RAPGEF4: variants seen among roughly 807,000 people sequenced by gnomAD.
RAPGEF4 encodes the protein Rap guanine nucleotide exchange factor 4.
In RAPGEF4, 66 loss-of-function variants were observed where a neutral mutation model predicts 147.9. The ratio of observed to expected loss-of-function variants is 0.45; its 90% CI spans 0.37 to 0.55. The LOEUF (loss-of-function observed/expected upper bound fraction) is 0.55, where lower values mean the gene tolerates loss of function less well. RAPGEF4 is among the 20% of genes least tolerant of loss of function. The probability of loss-of-function intolerance (pLI) is 0.00; values close to 1 mark genes in which losing one functional copy is unlikely to be tolerated. For missense variants in RAPGEF4, 1,071 were observed against 1,257.3 expected (o/e 0.85, Z 2.24); for synonymous variants, 419 against 442.7 (o/e 0.95, Z 0.67).
At chr2:172,963,957 T>G (rs1689563465) in intron 8 of RAPGEF4, among the ~76,000 whole-genome samples, 1 of 152,242 alleles carries the variant, frequency 6.6e-6, no homozygotes, top group Non-Finnish European at 1.5e-5. Flanking sequence ...TGTTCAGTAT[T>G]CTGACTGCAA....
Position 172,802,523 on chromosome 2 carries a change from C to T in RAPGEF4, c.297+4910C>T, listed in dbSNP as rs1033576203. ...TAATTCAATTACCTTCCACCAGGTTCTTCCTGCAACACATGGGAATTGTGG... is the reference window on the plus strand; with the variant it reads ...TAATTCAATTACCTTCCACCAGGTTTTTCCTGCAACACATGGGAATTGTGG... On this transcript the variant is annotated intron_variant, in intron 3 of 30. Transcript: ENST00000397081. 7.2e-5 allele frequency among the ~76,000 whole-genome samples: 11 copies of T among 152,206 alleles called. 1 individual carries two copies. The highest frequency in any genetic ancestry group is 2.7e-4 in the African/African-American group (11 of 41,442).
intron 4 of RAPGEF4, among the ~76,000 whole-genome samples, chr2:172,824,247 G>C (rs959049477): frequency 6.6e-6 from 1 of 152,154 alleles, no homozygotes; most frequent in African/African-American, 2.4e-5. Context: ...TTTCCATGCC[G>C]GGACTTTTGA....
At chr2:172,861,509 C>A (rs552891042) in intron 4 of RAPGEF4, among the ~76,000 whole-genome samples, 2 of 152,102 alleles carry the variant, frequency 1.3e-5, no homozygotes, top group African/African-American at 2.4e-5. Flanking sequence ...GAATGCTATA[C>A]CAGGAAGATG....
chr2:172,797,442 C>A, intron 2 of RAPGEF4, 83 bp from the exon 3 acceptor site: 1 of 1,090,812 alleles, frequency 9.2e-7, no homozygotes, highest in Non-Finnish European at 1.4e-6. Flanking sequence ...CCAAGACATG[C>A]TTGGACCAGT....
intron 19 of RAPGEF4, 126 bp downstream of exon 19, chr2:173,016,563 C>T (rs1695528361): frequency 1.3e-6 from 1 of 743,294 alleles, no homozygotes; most frequent in Admixed American, 2.2e-5. Context: ...TTTAAGCAGA[C>T]TGGGCTGAGG....
At chr2:172,856,672 G>T (rs1238857079) in intron 4 of RAPGEF4, among the ~76,000 whole-genome samples, 9 of 152,200 alleles carry the variant, frequency 5.9e-5, no homozygotes, top group Non-Finnish European at 2.9e-5. Context: ...TAACTGAGTG[G>T]CTTGGAGTCT....
At chr2:172,863,698 G>A (rs981919484) in intron 4 of RAPGEF4, among the ~76,000 whole-genome samples, 1 of 152,120 alleles carries the variant, frequency 6.6e-6, no homozygotes, top group African/African-American at 2.4e-5. Flanking sequence ...GGAAATTCAA[G>A]CAAGAATCAA....
intron 1 of RAPGEF4, among the ~76,000 whole-genome samples, chr2:172,753,283 G>A (rs1340027188): frequency 6.6e-6 from 1 of 151,788 alleles, no homozygotes; most frequent in Non-Finnish European, 1.5e-5. Flanking sequence ...TTGATGAGAA[G>A]GGAGAGTGAA....
chr2:172,750,283 GA>G (rs1485347963), intron 1 of RAPGEF4, among the ~76,000 whole-genome samples: 1 of 151,960 alleles, frequency 6.6e-6, no homozygotes, highest in Non-Finnish European at 1.5e-5. Context: ...AATTTATAAA[GA>G]AAAAAAGGTT....
At chr2:172,874,438 C>G (rs1461034979) in intron 4 of RAPGEF4, among the ~76,000 whole-genome samples, 1 of 152,090 alleles carries the variant, frequency 6.6e-6, no homozygotes, top group Non-Finnish European at 1.5e-5. Context: ...GTAATGTTCC[C>G]CTTCCTGTGT....
rs548506646 is a variant in RAPGEF4 at position 172,816,149 on chromosome 2, A to G, written c.444+1724A>G. Among the ~76,000 whole-genome samples, 21 of 152,224 alleles carry G rather than the reference A, an allele frequency of 1.4e-4. No individual in the cohort carries two copies. In the East Asian group the frequency reaches 1.7e-3, roughly 13 times the overall value. Reference sequence around the variant, plus strand: ...CCTAATATTATCTAATACCCAGTCTATATTTCAAATGTCCTTAATTGTCTC... The same window carrying G: ...CCTAATATTATCTAATACCCAGTCTGTATTTCAAATGTCCTTAATTGTCTC... On this transcript the variant is annotated intron_variant, in intron 4 of 30. Coordinates refer to ENST00000397081, the MANE Select transcript of RAPGEF4 (RefSeq NM_007023.4).
chr2:172,973,434 A>G (rs1233254468), intron 10 of RAPGEF4, among the ~76,000 whole-genome samples: 2 of 152,178 alleles, frequency 1.3e-5, no homozygotes, highest in Admixed American at 1.3e-4. Flanking sequence ...AAGAGCAGCA[A>G]AAAAATAATA....
intron 6 of RAPGEF4, among the ~76,000 whole-genome samples, chr2:172,934,460 C>G (rs114422811): frequency 0.015 from 2,339 of 152,206 alleles, 67 homozygotes; most frequent in African/African-American, 0.053. Flanking sequence ...CCTATTTAAT[C>G]CTTTTTATAT....
At chr2:172,743,316 G>A (rs1412643348) in intron 1 of RAPGEF4, among the ~76,000 whole-genome samples, 2 of 152,144 alleles carry the variant, frequency 1.3e-5, no homozygotes, top group Non-Finnish European at 2.9e-5. Context: ...GCTGACGAGC[G>A]GAGGCGGACA....
chr2:172,834,678 C>G (rs759310031), intron 4 of RAPGEF4, among the ~76,000 whole-genome samples: 3 of 152,108 alleles, frequency 2.0e-5, no homozygotes, highest in Non-Finnish European at 2.9e-5. Context: ...AAACATTCTG[C>G]AAATATTCCA....
intron 4 of RAPGEF4, among the ~76,000 whole-genome samples, chr2:172,902,546 A>G (rs544401695): frequency 1.3e-5 from 2 of 152,162 alleles, no homozygotes; most frequent in East Asian, 3.9e-4. Flanking sequence ...TTAAGCTTAT[A>G]TCTTCCCAAC....
At chr2:172,913,331 T>A (rs925023897) in intron 4 of RAPGEF4, among the ~76,000 whole-genome samples, 2 of 152,234 alleles carry the variant, frequency 1.3e-5, no homozygotes, top group African/African-American at 4.8e-5. Flanking sequence ...AGTTATCTAT[T>A]GCTGTGTAAC....
At chr2:172,908,878 A>G (rs576722047) in intron 4 of RAPGEF4, among the ~76,000 whole-genome samples, 118 of 152,032 alleles carry the variant, frequency 7.8e-4, no homozygotes, top group Admixed American at 1.5e-3. Flanking sequence ...CAATGACCCA[A>G]CTGATTAGCA....
At chr2:173,041,697 G>A (rs933783097) in intron 29 of RAPGEF4, among the ~76,000 whole-genome samples, 2 of 152,158 alleles carry the variant, frequency 1.3e-5, no homozygotes, top group Non-Finnish European at 2.9e-5. Flanking sequence ...ATCTAGACTA[G>A]CCCTAAGCAC....
Sources: allele counts gnomAD v4.1 joint callset (sites outside exome capture counted in the v4.1 genomes callset), GRCh38; gene constraint gnomAD v4.1.1; transcripts MANE v1.5; gene names NCBI Gene and HGNC (gene_info 2026-07-23, HGNC 2026-07-21).